DENND1A: variants seen among roughly 807,000 people sequenced by gnomAD.
The protein encoded by DENND1A is DENN domain-containing protein 1A.
DENND1A carries 51 observed loss-of-function variants against 113.7 expected under a neutral mutation model. The ratio of observed to expected loss-of-function variants is 0.45; its 90% confidence interval spans 0.36 to 0.57. The LOEUF is 0.57. Among genes scored for constraint, DENND1A ranks in the 20% least tolerant of loss-of-function variants. The probability of loss-of-function intolerance (pLI) is 0.00; values close to 1 mark genes in which losing one functional copy is unlikely to be tolerated. For missense variants in DENND1A, 1,258 were observed against 1,395.9 expected (o/e 0.90, Z 1.57); for synonymous variants, 565 against 570.8 (o/e 0.99, Z 0.14).
intron 13 of DENND1A, among the ~76,000 whole-genome samples, chr9:123,495,294 G>A (rs1249374825): frequency 6.6e-6 from 1 of 152,148 alleles, no homozygotes; most frequent in Non-Finnish European, 1.5e-5. Context: ...TGTGTTGAGT[G>A]CATGGTCTCA....
chr9:123,543,612 A>T (rs1397292846), intron 13 of DENND1A, among the ~76,000 whole-genome samples: 1 of 152,012 alleles, frequency 6.6e-6, no homozygotes, highest in Non-Finnish European at 1.5e-5. Flanking sequence ...CCACAGGGGC[A>T]CTCACAGTAC....
chr9:123,825,325 A>AG (rs1242106889), intron 2 of DENND1A, among the ~76,000 whole-genome samples: 2 of 151,900 alleles, frequency 1.3e-5, no homozygotes, highest in Non-Finnish European at 2.9e-5. Flanking sequence ...TAAAAAAAAA[A>AG]AAAGAAAGAA....
At chr9:123,415,910 G>A (rs528963016) in intron 19 of DENND1A, among the ~76,000 whole-genome samples, 1 of 152,262 alleles carries the variant, frequency 6.6e-6, no homozygotes, top group South Asian at 2.1e-4. Context: ...GACACAGATG[G>A]GGAAGAGTAG....
intron 8 of DENND1A, among the ~76,000 whole-genome samples, chr9:123,659,439 C>T (rs1031634375): frequency 6.6e-6 from 1 of 152,242 alleles, no homozygotes; most frequent in South Asian, 2.1e-4. Context: ...ATCTCCATAA[C>T]CATGAATATG....
At chr9:123,609,628 C>T (rs2060322484) in intron 10 of DENND1A, 147 bp from the exon 11 acceptor site, 1 of 932,960 alleles carries the variant, frequency 1.1e-6, no homozygotes, top group Non-Finnish European at 1.5e-6. Flanking sequence ...CCTAATATGA[C>T]ATTTTGTTCC....
chr9:123,542,123 G>A (rs1478641388), intron 13 of DENND1A, among the ~76,000 whole-genome samples: 1 of 151,610 alleles, frequency 6.6e-6, no homozygotes, highest in African/African-American at 2.4e-5. Context: ...TGAAGTTTGG[G>A]GGGTAGTCAA....
chr9:123,687,640 G>A (rs1589668984), intron 5 of DENND1A, among the ~76,000 whole-genome samples: 1 of 152,218 alleles, frequency 6.6e-6, no homozygotes, highest in East Asian at 1.9e-4. Flanking sequence ...AAACTGGTCT[G>A]CTCTCAAGTT....
intron 11 of DENND1A, among the ~76,000 whole-genome samples, chr9:123,596,886 T>C (rs542693749): frequency 6.6e-6 from 1 of 152,346 alleles, no homozygotes; most frequent in Admixed American, 6.5e-5. Flanking sequence ...TATTTCATCA[T>C]CTGTAAAATA....
intron 21 of DENND1A, among the ~76,000 whole-genome samples, chr9:123,397,476 G>A (rs62579940): frequency 0.021 from 3,269 of 152,258 alleles, 54 homozygotes; most frequent in Non-Finnish European, 0.035. Context: ...ATTTACCCTG[G>A]CATTTTTTAT....
chr9:123,606,400 G>A (rs907058374), intron 11 of DENND1A, among the ~76,000 whole-genome samples: 2 of 152,194 alleles, frequency 1.3e-5, no homozygotes, highest in African/African-American at 2.4e-5. Context: ...ATCTATCTGG[G>A]CCAGTGCTTC....
rs79395851 is a variant in DENND1A at position 123,431,653 on chromosome 9, G to A, written c.1488+8707C>T. 4.4e-3 allele frequency among the ~76,000 whole-genome samples: 667 copies of A among 152,320 alleles called. 4 individuals carry two copies. The highest frequency in any genetic ancestry group is 7.9e-3 in the Non-Finnish European group (540 of 68,028). The stretch of plus-strand genomic sequence containing the variant: ...CTCTCCAAGAGAGGATACCACCTGA[G>A]CCCCTTACAGGTTGGCTGGAGGGAT... On this transcript the variant is annotated intron_variant, in intron 19 of 23. Coordinates refer to ENST00000394215, the MANE Select transcript of DENND1A (RefSeq NM_001352964.2).
At chr9:123,552,029 G>GAGAGAC (rs1554875071) in intron 13 of DENND1A, among the ~76,000 whole-genome samples, 9 of 139,570 alleles carry the variant, frequency 6.4e-5, no homozygotes, top group African/African-American at 2.4e-4. Flanking sequence ...GAGAGAGAGA[G>GAGAGAC]AGAGAGAGAC....
chr9:123,884,816 CA>C (rs1211121737), intron 1 of DENND1A, among the ~76,000 whole-genome samples: 1 of 152,154 alleles, frequency 6.6e-6, no homozygotes, highest in Admixed American at 6.5e-5. Context: ...GCAGCAGAAT[CA>C]GCATGGAACT....
rs545088576 is a variant in DENND1A, at chr9:123,479,888, CA to C, written c.994-21992del. Among the ~76,000 whole-genome samples the C allele has an allele frequency of 2.0e-5, 3 of 152,300 alleles. No homozygotes were observed. In the South Asian group the frequency reaches 6.2e-4, roughly 32 times the overall value. Reference sequence around the variant, plus strand: ...TTTGTGGTTCTGGCCAGGGGACTGTCAAAAGACCATTCCAAGAAACTCAGAA... The same window carrying C: ...TTTGTGGTTCTGGCCAGGGGACTGTCAAAGACCATTCCAAGAAACTCAGAA... On this transcript the variant is annotated intron_variant, in intron 13 of 23. Coordinates refer to ENST00000394215, the MANE Select transcript of DENND1A (RefSeq NM_001352964.2).
chr9:123,432,587 A>G (rs1223010771), intron 19 of DENND1A, among the ~76,000 whole-genome samples: 1 of 152,194 alleles, frequency 6.6e-6, no homozygotes, highest in African/African-American at 2.4e-5. Flanking sequence ...ACACAAAGAC[A>G]TGGATGAGAG....
At chr9:123,803,109 T>A (rs184816443) in intron 2 of DENND1A, among the ~76,000 whole-genome samples, 1 of 152,344 alleles carries the variant, frequency 6.6e-6, no homozygotes, top group African/African-American at 2.4e-5. Context: ...GCCTTGTGCC[T>A]CTTTGTCATC....
chr9:123,786,219 A>G (rs565547867), intron 3 of DENND1A, among the ~76,000 whole-genome samples: 3 of 152,100 alleles, frequency 2.0e-5, no homozygotes, highest in Non-Finnish European at 4.4e-5. Context: ...CTCAAAAAAA[A>G]AAAAGAAAGA....
At chr9:123,712,878 A>G (rs2066723917) in intron 5 of DENND1A, among the ~76,000 whole-genome samples, 1 of 152,270 alleles carries the variant, frequency 6.6e-6, no homozygotes, top group South Asian at 2.1e-4. Flanking sequence ...TCTGGCAGAA[A>G]GTTCTACCTA....
chr9:123,438,935 GC>G (rs1391985535), intron 19 of DENND1A, among the ~76,000 whole-genome samples: 3 of 151,948 alleles, frequency 2.0e-5, no homozygotes, highest in African/African-American at 4.8e-5. Context: ...CCTCTCCCCC[GC>G]CCCCTCTTTC....
Sources: gnomAD v4.1 joint callset for allele counts (sites outside exome capture counted in the v4.1 genomes callset) on GRCh38, gnomAD v4.1.1 for gene constraint, MANE v1.5 for transcripts, NCBI Gene and HGNC (gene_info 2026-07-23, HGNC 2026-07-21) for gene names.